PBRM1: variants seen among roughly 807,000 people sequenced by gnomAD.
PBRM1 encodes the protein polybromo 1.
Under a neutral mutation model 194.5 loss-of-function variants are expected in PBRM1, and 27 were observed. The observed-to-expected ratio is 0.14, with a 90% CI of 0.10 to 0.19. PBRM1 has a LOEUF of 0.19. PBRM1 is among the 10% of genes least tolerant of loss of function. The pLI is 1.00. For synonymous variants in PBRM1, 655 were observed against 693.2 expected, an observed-to-expected ratio of 0.94 and a Z score of 0.87; for missense variants, 1,466 against 2,077.2, an observed-to-expected ratio of 0.71 and a Z score of 5.72.
rs776690945 is a variant in PBRM1 at position 52,609,827 on chromosome 3, G to A, written c.2053C>T (p.Leu685=). The change falls in exon 16 of 30, where the codon CTG becomes TTG. Residue 685 remains leucine, a synonymous_variant. Transcript: ENST00000296302. The surrounding 1 kb of genome is among the most constrained non-coding windows in gnomAD (Gnocchi z 4.1). Reference sequence around the variant, plus strand: ...AACTCAGATCTAGAGGGAAGCCTCAGAAATATGGCACTGAGGCGGCGACCC... The same window carrying A: ...AACTCAGATCTAGAGGGAAGCCTCAAAAATATGGCACTGAGGCGGCGACCC... 6.2e-7 allele frequency: 1 copy of A among 1,613,488 alleles called. No individual in the cohort carries two copies.
chr3:52,576,651 G>A (rs2089683180), exon 22 of PBRM1: 1 of 1,609,204 alleles, frequency 6.2e-7, no homozygotes, highest in Non-Finnish European at 8.5e-7. Flanking sequence ...AATGAAGATG[G>A]GGCCATAAAA....
intron 3 of PBRM1, among the ~76,000 whole-genome samples, chr3:52,666,661 C>T (rs111962823): frequency 3.8e-4 from 58 of 152,210 alleles, no homozygotes; most frequent in Middle Eastern, 6.8e-3. Context: ...GAGACCGAGG[C>T]GGGTCAATCG....
chr3:52,590,742 C>T (rs1251688489), intron 17 of PBRM1, among the ~76,000 whole-genome samples: 2 of 152,120 alleles, frequency 1.3e-5, no homozygotes, highest in East Asian at 1.9e-4. Flanking sequence ...GGATTACAAG[C>T]GTGAGCCACC....
chr3:52,615,210 G>C, intron 15 of PBRM1, 141 bp downstream of exon 17: 1 of 557,216 alleles, frequency 1.8e-6, no homozygotes. Flanking sequence ...TAAATGAGAG[G>C]GCTTGACAAG....
chr3:52,596,471 A>G (rs2093566368), intron 17 of PBRM1, among the ~76,000 whole-genome samples: 1 of 129,212 alleles, frequency 7.7e-6, no homozygotes, highest in South Asian at 2.4e-4. Context: ...AAAAAAAAAA[A>G]AAAAAAAAAG....
downstream of PBRM1, chr3:52,547,531 G>C: frequency 4.3e-6 from 1 of 233,582 alleles, no homozygotes; most frequent in East Asian, 6.1e-5. Flanking sequence ...AGCTTTTGCA[G>C]AAAGTGGCTT....
At chr3:52,650,404 T>C (rs1027856788) in intron 6 of PBRM1, among the ~76,000 whole-genome samples, 5 of 140,412 alleles carry the variant, frequency 3.6e-5, no homozygotes, top group African/African-American at 1.3e-4. Flanking sequence ...AAAAAGATGA[T>C]ACATTAGGGA....
intron 21 of PBRM1, among the ~76,000 whole-genome samples, chr3:52,578,521 A>C (rs1173225818): frequency 6.6e-6 from 1 of 152,080 alleles, no homozygotes; most frequent in Non-Finnish European, 1.5e-5. Flanking sequence ...CCAACCCTAT[A>C]CCAGACTCTG....
chr3:52,669,401 T>C (rs2096904247), intron 2 of PBRM1, among the ~76,000 whole-genome samples: 1 of 152,196 alleles, frequency 6.6e-6, no homozygotes, highest in Non-Finnish European at 1.5e-5. Context: ...TTAAGTAATT[T>C]TAATGACAAT....
At chr3:52,655,443 T>C (rs1305288615) in intron 5 of PBRM1, among the ~76,000 whole-genome samples, 1 of 152,242 alleles carries the variant, frequency 6.6e-6, no homozygotes, top group African/African-American at 2.4e-5. Flanking sequence ...CCACTGTATG[T>C]ATATGTCACA....
At chr3:52,575,408 A>T (rs1441730733) in intron 22 of PBRM1, among the ~76,000 whole-genome samples, 1 of 152,016 alleles carries the variant, frequency 6.6e-6, no homozygotes, top group Non-Finnish European at 1.5e-5. Flanking sequence ...AAGAAACAAG[A>T]AGGCACAGCC....
At chr3:52,612,833 G>T (rs1279618698) in intron 15 of PBRM1, among the ~76,000 whole-genome samples, 2 of 150,540 alleles carry the variant, frequency 1.3e-5, no homozygotes, top group Admixed American at 1.3e-4. Context: ...GGGAACCCAG[G>T]AGACGGAGTC....
exon 22 of PBRM1, chr3:52,576,686 T>G (rs754485942): frequency 6.3e-7 from 1 of 1,598,070 alleles, no homozygotes; most frequent in African/African-American, 1.3e-5. Context: ...CTCGAACCCA[T>G]ACTTTTTCAA....
chr3:52,684,579 G>C (rs2097278425), upstream of PBRM1, among the ~76,000 whole-genome samples: 1 of 152,142 alleles, frequency 6.6e-6, no homozygotes, highest in South Asian at 2.1e-4. Context: ...TTATGCCTTA[G>C]TTACCTATTA....
At chr3:52,629,456 TA>T (rs1490820219) in intron 11 of PBRM1, among the ~76,000 whole-genome samples, 1 of 152,068 alleles carries the variant, frequency 6.6e-6, no homozygotes, top group African/African-American at 2.4e-5. Flanking sequence ...TTTCTGAAAA[TA>T]AAAGGCCATT....
intron 29 of PBRM1, 74 bp downstream of exon 31, chr3:52,550,347 T>G: frequency 4.8e-6 from 3 of 631,484 alleles, no homozygotes; most frequent in Non-Finnish European, 7.6e-6. Context: ...TTGTATGATA[T>G]ACTATGCTAA....
chr3:52,600,351 G>C lies in PBRM1; in HGVS notation c.2779+3170C>G, dbSNP rs192534526. 9.2e-5 allele frequency among the ~76,000 whole-genome samples: 14 copies of C among 152,248 alleles called. No homozygotes were observed. The East Asian group carries it at 2.7e-3, about 29-fold the overall frequency. ...TTTATGGTGTCCCTTATGTTACCAA[G>C]CTTTGCTCATTCTTTTTTATTTTTC... On this transcript the variant is annotated intron_variant, in intron 17 of 29. Transcript: ENST00000296302.
At chr3:52,561,909 G>A (rs2153493462) in exon 25 of PBRM1, 1 of 1,614,150 alleles carries the variant, frequency 6.2e-7, no homozygotes, top group East Asian at 2.2e-5. Context: ...AGCCACTCAT[G>A]TTGATTTTCC....
At chr3:52,584,069 CT>C (rs1428007598) in intron 20 of PBRM1, among the ~76,000 whole-genome samples, 1 of 152,170 alleles carries the variant, frequency 6.6e-6, no homozygotes, top group African/African-American at 2.4e-5. Flanking sequence ...TTTCATACCC[CT>C]TTTTCCCCCT....
Sources: gnomAD v4.1 joint callset for allele counts (sites outside exome capture counted in the v4.1 genomes callset) on GRCh38, gnomAD v4.1.1 for gene constraint, Gnocchi (gnomAD v3.1) non-coding constraint, MANE v1.5 for transcripts, NCBI Gene and HGNC (gene_info 2026-07-23, HGNC 2026-07-21) for gene names.